Variants in RGS7 observed in about 807,000 individuals in gnomAD.
The protein encoded by RGS7 is regulator of G-protein signaling 7.
RGS7 carries 27 observed loss-of-function variants against 81.1 expected under a neutral mutation model. That is an observed-to-expected ratio of 0.33 (90% CI 0.25 to 0.46). The LOEUF (loss-of-function observed/expected upper bound fraction) is 0.46. Among genes scored for constraint, RGS7 ranks in the 20% least tolerant of loss-of-function variants. RGS7 has a pLI of 1.00. For synonymous variants in RGS7, 208 were observed against 207.7 expected, an observed-to-expected ratio of 1.00 and a Z score of -0.01; for missense variants, 396 against 607.4, an observed-to-expected ratio of 0.65 and a Z score of 3.66.
chr1:241,147,780 T>TTTTATATATATATATATATATA lies in RGS7; in HGVS notation c.79-49019_79-49018insTATATATATATATATATATAAA, dbSNP rs1428939736. On this transcript the variant is annotated intron_variant, in intron 2 of 18. Coordinates refer to ENST00000440928, the MANE Select transcript of RGS7 (RefSeq NM_001364886.1). ...TTAAATATCCCATCTAGATTAAGTT[T>TTTTATATATATATATATATATA]TATATATATATATATATATATATAT... Among the ~76,000 whole-genome samples, 48 of 44,646 alleles carry TTTTATATATATATATATATATA rather than the reference T, an allele frequency of 1.1e-3. 5 individuals are homozygous for TTTTATATATATATATATATATA. Among genetic ancestry groups the TTTTATATATATATATATATATA allele is most frequent in the Non-Finnish European group, 1.6e-3 (36 of 22,034 alleles). 29.3% of individuals were successfully genotyped at this position (44,646 alleles called of 152,430 possible).
chr1:240,795,889 C>A (rs1030798600), intron 18 of RGS7, among the ~76,000 whole-genome samples: 1 of 151,988 alleles, frequency 6.6e-6, no homozygotes, highest in Non-Finnish European at 1.5e-5. Context: ...TAGAGAGGGT[C>A]ATCTAGAGGT....
At chr1:241,197,061 T>C (rs536884386) in intron 2 of RGS7, among the ~76,000 whole-genome samples, 1 of 149,840 alleles carries the variant, frequency 6.7e-6, no homozygotes, top group South Asian at 2.1e-4. Context: ...AAGTTCTAGA[T>C]TTTAAACTTA....
At chr1:241,127,106 T>C (rs2103021069) in intron 2 of RGS7, among the ~76,000 whole-genome samples, 1 of 152,232 alleles carries the variant, frequency 6.6e-6, no homozygotes, top group Non-Finnish European at 1.5e-5. Flanking sequence ...GGTAATATCA[T>C]AGAGAGAATC....
At chr1:241,236,619 T>G (rs1338394249) in intron 2 of RGS7, among the ~76,000 whole-genome samples, 1 of 152,222 alleles carries the variant, frequency 6.6e-6, no homozygotes, top group Non-Finnish European at 1.5e-5. Context: ...GTCAAACTTG[T>G]GCTAAGCATG....
At position 241,343,574 on chromosome 1, in the gene RGS7, T is replaced by C. The variant is rs142596552; in HGVS notation, c.78+12125A>G. ...GCTATGGAAATAAGCCAGTCACATA[T>C]AATACAAGTGAAATAAGCCAGTCAA... On this transcript the variant is annotated intron_variant, in intron 2 of 18. Coordinates refer to ENST00000440928, the MANE Select transcript of RGS7 (RefSeq NM_001364886.1). Among the ~76,000 whole-genome samples, 846 of 152,278 alleles carry C rather than the reference T, an allele frequency of 5.6e-3. 2 individuals are homozygous for C. Among genetic ancestry groups the C allele is most frequent in the Middle Eastern group, 0.017 (5 of 294 alleles).
intron 3 of RGS7, among the ~76,000 whole-genome samples, chr1:240,985,712 G>A (rs1685556092): frequency 6.6e-6 from 1 of 151,942 alleles, no homozygotes; most frequent in Non-Finnish European, 1.5e-5. Context: ...TTCTTACCCA[G>A]ACTCACCATG....
At chr1:241,019,423 G>C (rs1305815518) in intron 3 of RGS7, among the ~76,000 whole-genome samples, 2 of 151,904 alleles carry the variant, frequency 1.3e-5, no homozygotes, top group Non-Finnish European at 2.9e-5. Context: ...TTGTTGCATA[G>C]GTATACATGT....
intron 2 of RGS7, among the ~76,000 whole-genome samples, chr1:241,138,499 G>C (rs1339932894): frequency 1.3e-5 from 2 of 152,120 alleles, no homozygotes; most frequent in African/African-American, 4.8e-5. Context: ...AGCCCTCAGG[G>C]GGAGTCCACT....
At chr1:241,188,924 A>G (rs1039060216) in intron 2 of RGS7, among the ~76,000 whole-genome samples, 1 of 152,166 alleles carries the variant, frequency 6.6e-6, no homozygotes, top group African/African-American at 2.4e-5. Flanking sequence ...CAACCAAACA[A>G]TATACGAGTG....
At chr1:241,251,961 G>A (rs75626507) in intron 2 of RGS7, among the ~76,000 whole-genome samples, 4,043 of 152,160 alleles carry the variant, frequency 0.027, 215 homozygotes, top group South Asian at 0.16. Context: ...TGGGGCTGCG[G>A]AGCCTCGGAG....
chr1:240,918,694 C>T (rs1221924433), intron 6 of RGS7, among the ~76,000 whole-genome samples: 1 of 151,636 alleles, frequency 6.6e-6, no homozygotes, highest in Non-Finnish European at 1.5e-5. Flanking sequence ...AGAACAAAAG[C>T]AAATTAAATC....
At chr1:241,125,441 C>G (rs2066591046) in intron 2 of RGS7, among the ~76,000 whole-genome samples, 2 of 152,032 alleles carry the variant, frequency 1.3e-5, no homozygotes, top group African/African-American at 4.8e-5. Context: ...CACACACACA[C>G]ACACACACAC....
At chr1:240,902,287 A>G (rs72756841) in intron 6 of RGS7, among the ~76,000 whole-genome samples, 19,478 of 152,228 alleles carry the variant, frequency 0.13, 1,351 homozygotes, top group Middle Eastern at 0.18. Flanking sequence ...CTATTTAGAC[A>G]TATCTCTACT....
chr1:241,077,934 G>A (rs1488075336), intron 3 of RGS7, among the ~76,000 whole-genome samples: 1 of 152,048 alleles, frequency 6.6e-6, no homozygotes, highest in Non-Finnish European at 1.5e-5. Context: ...AAAGAACTCA[G>A]ATTATTTTAT....
chr1:241,147,918 TATTA>T (rs2068464154), intron 2 of RGS7, among the ~76,000 whole-genome samples: 3 of 148,702 alleles, frequency 2.0e-5, no homozygotes, highest in African/African-American at 4.9e-5. Flanking sequence ...ACTTAACAAA[TATTA>T]ATTGAGTGGC....
At chr1:241,279,559 T>C (rs950043799) in intron 2 of RGS7, among the ~76,000 whole-genome samples, 6 of 152,198 alleles carry the variant, frequency 3.9e-5, no homozygotes, top group Non-Finnish European at 5.9e-5. Flanking sequence ...GAGGGAGCAT[T>C]TGTACTCTAG....
chr1:241,090,163 G>A (rs893660291), intron 3 of RGS7, among the ~76,000 whole-genome samples: 2 of 138,468 alleles, frequency 1.4e-5, no homozygotes, highest in Admixed American at 6.8e-5. Flanking sequence ...GCAGGATGAG[G>A]TGCAGGTGCA....
At chr1:241,100,372 T>C (rs2064640266) in intron 2 of RGS7, among the ~76,000 whole-genome samples, 1 of 102,964 alleles carries the variant, frequency 9.7e-6, no homozygotes, top group South Asian at 2.5e-4. Context: ...AAGACTCCAT[T>C]TCAAAAAAAA....
At chr1:240,925,676 G>A (rs76425885) in intron 6 of RGS7, among the ~76,000 whole-genome samples, 6,295 of 152,208 alleles carry the variant, frequency 0.041, 250 homozygotes, top group African/African-American at 0.11. Flanking sequence ...TATAGTTCTA[G>A]TTTTAGTTCT....
Sources: allele counts gnomAD v4.1 joint callset (sites outside exome capture counted in the v4.1 genomes callset), GRCh38; gene constraint gnomAD v4.1.1; transcripts MANE v1.5; gene names NCBI Gene and HGNC (gene_info 2026-07-23, HGNC 2026-07-21).